E2F3: variants seen among roughly 807,000 people sequenced by gnomAD.
E2F3 encodes the protein transcription factor E2F3.
Under a neutral mutation model 44.4 loss-of-function variants are expected in E2F3, and 11 were observed. The observed-to-expected ratio is 0.25, with a 90% confidence interval of 0.16 to 0.41. The LOEUF (loss-of-function observed/expected upper bound fraction) is 0.41. E2F3 is among the 10% of genes least tolerant of loss of function. The pLI is 1.00. For missense variants in E2F3, 487 were observed against 583.6 expected (o/e 0.83, Z 1.70); for synonymous variants, 249 against 253.0 (o/e 0.98, Z 0.15).
intron 1 of E2F3, among the ~76,000 whole-genome samples, chr6:20,408,882 G>A (rs933569366): frequency 2.6e-5 from 4 of 152,204 alleles, no homozygotes; most frequent in Non-Finnish European, 2.9e-5. Context: ...CCCTGAGAAC[G>A]ATATTCTAGG....
chr6:20,479,815 G>T, intron 1 of E2F3, 31 bp from the exon 2 acceptor site: 3 of 1,576,898 alleles, frequency 1.9e-6, no homozygotes, highest in South Asian at 2.3e-5. Flanking sequence ...CCATATGACC[G>T]GTGACGAGAG....
intron 1 of E2F3, among the ~76,000 whole-genome samples, chr6:20,429,948 C>T (rs1253988481): frequency 6.6e-6 from 1 of 151,782 alleles, no homozygotes; most frequent in African/African-American, 2.4e-5. Flanking sequence ...TTGAACCACC[C>T]TAGTTATAAT....
At chr6:20,458,147 C>G (rs1297442696) in intron 1 of E2F3, among the ~76,000 whole-genome samples, 2 of 152,240 alleles carry the variant, frequency 1.3e-5, no homozygotes, top group East Asian at 3.9e-4. Context: ...AGACCTTGTT[C>G]TGAACTTACA....
At chr6:20,420,163 T>C (rs535867889) in intron 1 of E2F3, among the ~76,000 whole-genome samples, 1 of 152,340 alleles carries the variant, frequency 6.6e-6, no homozygotes, top group East Asian at 1.9e-4. Flanking sequence ...CTGACTAATG[T>C]TTATTGAATG....
intron 1 of E2F3, among the ~76,000 whole-genome samples, chr6:20,460,542 C>A (rs1761466180): frequency 6.6e-6 from 1 of 152,042 alleles, no homozygotes. Context: ...TTTATTTAAC[C>A]ATTCCCTTTT....
Position 20,493,141 on chromosome 6 carries a change from A to G in E2F3, c.*2711A>G, listed in dbSNP as rs910959307. On this transcript the variant is annotated 3_prime_UTR_variant, in exon 7 of 7. Transcript: ENST00000346618. ...CATTATTTAGCAATTTTGTACAAAA[A>G]TAGCAATTAATTTGTAAACACTGCC... 8.9e-6 allele frequency: 2 copies of G among 223,594 alleles called. No individual in the cohort carries two copies. Among genetic ancestry groups the G allele is most frequent in the Non-Finnish European group, 1.8e-5 (2 of 111,766 alleles). 13.9% of individuals were successfully genotyped at this position (223,594 alleles called of 1,614,324 possible).
Position 20,482,890 on chromosome 6 carries a change from A to G in E2F3, c.854A>G (p.Lys285Arg), listed in dbSNP as rs779073235. 7 of 1,613,872 alleles carry G rather than the reference A, an allele frequency of 4.3e-6. No homozygotes were observed. The highest frequency in any genetic ancestry group is 5.9e-6 in the Non-Finnish European group (7 of 1,179,804). ...ELIQSCTLDLKLLTEDSENQR... is the reference protein window; with the variant it reads ...ELIQSCTLDLRLLTEDSENQR... The stretch of plus-strand genomic sequence containing the variant: ...ATCCAAAGCTGCACCCTGGACCTCA[A>G]ACTGTTAACCGAGGATTCAGAGAAT... Residue 285 changes from lysine (K) to arginine (R), a missense_variant, in exon 4 of 7, where the codon AAA becomes AGA. Lys to Arg is a conservative substitution (Grantham distance 26, BLOSUM62 2). Coordinates refer to ENST00000346618, the MANE Select transcript of E2F3 (RefSeq NM_001949.5).
intron 1 of E2F3, among the ~76,000 whole-genome samples, chr6:20,408,348 G>C (rs919021663): frequency 6.6e-6 from 1 of 152,174 alleles, no homozygotes; most frequent in Non-Finnish European, 1.5e-5. Context: ...TTATTATAGA[G>C]GGATAACATA....
Position 20,402,055 on chromosome 6 carries a change from T to C in E2F3, c.-178T>C. The C allele has an allele frequency of 4.5e-6, 5 of 1,100,684 alleles. No individual in the cohort carries two copies. The highest frequency in any genetic ancestry group is 6.1e-6 in the Non-Finnish European group (5 of 824,910). The allele number at this position is 1,100,684 out of a possible 1,614,324, so 68.2% of individuals were successfully genotyped here. On this transcript the variant is annotated 5_prime_UTR_variant, in exon 1 of 7. Transcript: ENST00000346618. The surrounding 1 kb of genome is among the most constrained non-coding windows in gnomAD (Gnocchi z 5.6). Reference sequence around the variant, plus strand: ...CTCTCTCCAGAGCCCCGATTATTTTTGGCCCCCGGGGCCTGTGCGGTGCGG... The same window carrying C: ...CTCTCTCCAGAGCCCCGATTATTTTCGGCCCCCGGGGCCTGTGCGGTGCGG...
intron 1 of E2F3, among the ~76,000 whole-genome samples, chr6:20,419,256 A>G (rs1201779924): frequency 6.6e-6 from 1 of 152,160 alleles, no homozygotes; most frequent in Non-Finnish European, 1.5e-5. Flanking sequence ...TATTGCTATT[A>G]TGAACAGTGC....
chr6:20,480,043 G>A (rs977970352), intron 2 of E2F3, 86 bp downstream of exon 2: 1 of 1,497,702 alleles, frequency 6.7e-7, no homozygotes, highest in Non-Finnish European at 8.9e-7. Flanking sequence ...ATGCCAAGGT[G>A]TGAATAATTC....
intron 1 of E2F3, among the ~76,000 whole-genome samples, chr6:20,439,210 C>G (rs190326373): frequency 3.7e-4 from 56 of 152,242 alleles, no homozygotes; most frequent in East Asian, 1.2e-3. Context: ...CATTTTTTCT[C>G]TTGATTTTAG....
intron 1 of E2F3, among the ~76,000 whole-genome samples, chr6:20,411,885 A>C (rs1213222633): frequency 6.6e-6 from 1 of 152,130 alleles, no homozygotes; most frequent in Non-Finnish European, 1.5e-5. Flanking sequence ...CAAACCTGTA[A>C]GCTCCAAGAA....
At chr6:20,484,022 G>A (rs1389120002) in intron 4 of E2F3, among the ~76,000 whole-genome samples, 1 of 152,212 alleles carries the variant, frequency 6.6e-6, no homozygotes, top group Non-Finnish European at 1.5e-5. Flanking sequence ...ACCCCCAGTG[G>A]TTGGCAGAGT....
rs890405747 is a variant in E2F3, at chr6:20,491,244, T to C, written c.*814T>C. The C allele has an allele frequency of 8.7e-6, 2 of 230,908 alleles. No homozygotes were observed. Among genetic ancestry groups the C allele is most frequent in the African/African-American group, 4.4e-5 (2 of 45,170 alleles). The allele number at this position is 230,908 out of a possible 1,614,324, so 14.3% of individuals were successfully genotyped here. A position where few individuals can be genotyped will look rare whatever the true frequency, so the allele number is the denominator to read the frequency against. On this transcript the variant is annotated 3_prime_UTR_variant, in exon 7 of 7. Coordinates refer to ENST00000346618, the MANE Select transcript of E2F3 (RefSeq NM_001949.5). ...TTTGTGGATTGTTCTAGACTTTTAA[T>C]TTTTTTAGCTGCCATTTAAGCATTC... is the stretch of plus-strand genomic sequence containing the variant.
At chr6:20,424,698 A>AG (rs367874863) in intron 1 of E2F3, among the ~76,000 whole-genome samples, 3 of 152,208 alleles carry the variant, frequency 2.0e-5, no homozygotes, top group Admixed American at 6.5e-5. Flanking sequence ...TTATAAGAAA[A>AG]AAAACTCTCT....
Position 20,402,637 on chromosome 6 carries a change from C to T in E2F3, c.393+12C>T, listed in dbSNP as rs1759345285. On this transcript the variant is annotated intron_variant, in intron 1 of 6. Coordinates refer to ENST00000346618, the MANE Select transcript of E2F3 (RefSeq NM_001949.5). The surrounding 1 kb of genome is among the most constrained non-coding windows in gnomAD (Gnocchi z 5.6). The stretch of plus-strand genomic sequence containing the variant: ...GCGGCGGCCCTCCGGTAATACCCTC[C>T]CTCCCCACCGTCCCCAGCCCCGGCG... 1 of 1,327,918 alleles carries T rather than the reference C, an allele frequency of 7.5e-7. No individual in the cohort carries two copies. Among genetic ancestry groups the T allele is most frequent in the Non-Finnish European group, 9.5e-7 (1 of 1,047,384 alleles). 82.3% of individuals were successfully genotyped at this position (1,327,918 alleles called of 1,614,324 possible). A position where few individuals can be genotyped will look rare whatever the true frequency, so the allele number is the denominator to read the frequency against.
intron 1 of E2F3, among the ~76,000 whole-genome samples, chr6:20,413,632 A>G (rs1435266818): frequency 1.3e-5 from 2 of 152,170 alleles, no homozygotes; most frequent in Admixed American, 6.5e-5. Flanking sequence ...TGGTGGCTAG[A>G]CGCCAGGCAC....
In E2F3 at chr6:20,490,476, A is replaced by G. The variant is rs763387191; in HGVS notation, c.*46A>G. 14 of 1,516,048 alleles carry G rather than the reference A, an allele frequency of 9.2e-6. No homozygotes were observed. Among genetic ancestry groups the G allele is most frequent in the Non-Finnish European group, 1.2e-5 (14 of 1,130,200 alleles). 93.9% of individuals were successfully genotyped at this position (1,516,048 alleles called of 1,614,324 possible). On this transcript the variant is annotated 3_prime_UTR_variant, in exon 7 of 7. Coordinates refer to ENST00000346618, the MANE Select transcript of E2F3 (RefSeq NM_001949.5). The surrounding 1 kb of genome is among the most constrained non-coding windows in gnomAD (Gnocchi z 4.3). Reference sequence around the variant, plus strand: ...CCTTAAAAACCGATATTTTTTTATCATGGAACCAGAACATCTGTCATGCAG... The same window carrying G: ...CCTTAAAAACCGATATTTTTTTATCGTGGAACCAGAACATCTGTCATGCAG...
Sources: allele counts gnomAD v4.1 joint callset (sites outside exome capture counted in the v4.1 genomes callset), GRCh38; gene constraint gnomAD v4.1.1; non-coding constraint Gnocchi (gnomAD v3.1); transcripts MANE v1.5; gene names NCBI Gene and HGNC (gene_info 2026-07-23, HGNC 2026-07-21).